The following RUNX3 variants were observed in gnomAD, a reference collection of about 807,000 sequenced individuals.
RUNX3 encodes the protein runt-related transcription factor 3.
Under a neutral mutation model 27.7 loss-of-function variants are expected in RUNX3, and 10 were observed. The observed-to-expected ratio is 0.36, with a 90% CI of 0.22 to 0.61. The LOEUF (loss-of-function observed/expected upper bound fraction) is 0.61, where lower values mean the gene tolerates loss of function less well. RUNX3 is among the 20% of genes least tolerant of loss of function. The probability of loss-of-function intolerance (pLI) is 0.72; values close to 1 mark genes in which losing one functional copy is unlikely to be tolerated. For synonymous variants in RUNX3, 270 were observed against 269.2 expected (o/e 1.00, Z -0.03); for missense variants, 469 against 629.5 (o/e 0.75, Z 2.73).
chr1:24,930,232 C>T lies in RUNX3; in HGVS notation c.-364G>A. ...CGAAGCTCGCCCGCGGCCGCCCCGA[C>T]TCCGCGGCCGCAGCCCCAGAACAAA... On this transcript the variant is annotated 5_prime_UTR_variant, in exon 1 of 5. Coordinates refer to ENST00000308873, the MANE Select transcript of RUNX3 (RefSeq NM_004350.3). The surrounding 1 kb of genome is among the most constrained non-coding windows in gnomAD (Gnocchi z 4.1). 1 of 982,990 alleles carries T rather than the reference C, an allele frequency of 1.0e-6. No homozygotes were observed. Among genetic ancestry groups the T allele is most frequent in the South Asian group, 4.7e-5 (1 of 21,276 alleles). 60.9% of individuals were successfully genotyped at this position (982,990 alleles called of 1,614,324 possible). A position where few individuals can be genotyped will look rare whatever the true frequency, so the allele number is the denominator to read the frequency against.
chr1:24,938,687 G>A (rs532346931), intron 2 of RUNX3, among the ~76,000 whole-genome samples: 96 of 152,132 alleles, frequency 6.3e-4, no homozygotes, highest in Non-Finnish European at 1.1e-3. Context: ...AGGCAGTGGG[G>A]GGCCTTTCGG....
At chr1:24,909,549 T>C (rs985489366) in intron 3 of RUNX3, among the ~76,000 whole-genome samples, 15 of 152,174 alleles carry the variant, frequency 9.9e-5, no homozygotes, top group Non-Finnish European at 1.6e-4. Flanking sequence ...CTGGGGATCC[T>C]CCCTGCTACG....
chr1:24,902,167 C>T lies in RUNX3; in HGVS notation c.1203G>A (p.Leu401=). ...CCTCATCCATGCGGCCTGGCGTGCT[C>T]AGGGCCGTGGGTGAGTTGCTGTGGC... ...DGSHSNSPTA[L]STPGRMDEAV... Residue 401 remains leucine, a synonymous_variant, in exon 5 of 5, where the codon CTG becomes CTA. Transcript: ENST00000308873. The surrounding 1 kb of genome is among the most constrained non-coding windows in gnomAD (Gnocchi z 9.2). The T allele has an allele frequency of 6.4e-7, 1 of 1,571,902 alleles. No individual in the cohort carries two copies. The highest frequency in any genetic ancestry group is 8.6e-7 in the Non-Finnish European group (1 of 1,160,248).
chr1:24,937,385 T>C (rs1297055907), intron 2 of RUNX3, among the ~76,000 whole-genome samples: 1 of 152,204 alleles, frequency 6.6e-6, no homozygotes, highest in Non-Finnish European at 1.5e-5. Context: ...TGACCACAAA[T>C]CCACCCCTCA....
At chr1:24,953,402 G>GAAAAAAAAAAAAAAAAAAAAAA (rs553316885) in intron 2 of RUNX3, among the ~76,000 whole-genome samples, 4 of 70,448 alleles carry the variant, frequency 5.7e-5, no homozygotes, top group African/African-American at 1.0e-4. Flanking sequence ...AAAGAAAAAT[G>GAAAAAAAAAAAAAAAAAAAAAA]AAAAAAAAAA....
At chr1:24,915,031 T>C (rs555863173) in intron 3 of RUNX3, among the ~76,000 whole-genome samples, 5 of 152,290 alleles carry the variant, frequency 3.3e-5, no homozygotes, top group African/African-American at 1.2e-4. Context: ...TCATCAACGA[T>C]TTATGGAGCA....
intron 2 of RUNX3, among the ~76,000 whole-genome samples, chr1:24,944,704 A>G (rs151130973): frequency 1.3e-5 from 2 of 152,286 alleles, no homozygotes; most frequent in Admixed American, 6.5e-5. Flanking sequence ...TGGGAAAAAC[A>G]TGGCTCAAAG....
chr1:24,952,370 A>G (rs965148616), intron 2 of RUNX3, among the ~76,000 whole-genome samples: 1 of 152,228 alleles, frequency 6.6e-6, no homozygotes, highest in Non-Finnish European at 1.5e-5. Flanking sequence ...AGCATACACT[A>G]TTTTAGATCT....
intron 2 of RUNX3, among the ~76,000 whole-genome samples, chr1:24,936,259 G>A (rs1431274074): frequency 6.6e-6 from 1 of 152,228 alleles, no homozygotes; most frequent in Non-Finnish European, 1.5e-5. Context: ...AGTAGCGACA[G>A]TTATCACTCC....
intron 2 of RUNX3, among the ~76,000 whole-genome samples, chr1:24,936,512 C>T (rs146612724): frequency 6.3e-4 from 96 of 152,258 alleles, no homozygotes; most frequent in African/African-American, 2.1e-3. Context: ...ATGTCAGACT[C>T]GAAAGGGCTC....
intron 3 of RUNX3, among the ~76,000 whole-genome samples, chr1:24,914,454 C>T (rs1385288512): frequency 1.3e-5 from 2 of 152,210 alleles, no homozygotes; most frequent in African/African-American, 2.4e-5. Context: ...AGGCGGGTGC[C>T]GGGCCTGGGG....
chr1:24,905,437 G>C (rs779681864), intron 4 of RUNX3, among the ~76,000 whole-genome samples: 1 of 152,242 alleles, frequency 6.6e-6, no homozygotes, highest in Non-Finnish European at 1.5e-5. Flanking sequence ...GGATGGGCCT[G>C]AGGATGGAGA....
intron 3 of RUNX3, among the ~76,000 whole-genome samples, chr1:24,912,058 C>T (rs960853188): frequency 6.6e-6 from 1 of 152,250 alleles, no homozygotes; most frequent in Non-Finnish European, 1.5e-5. Flanking sequence ...GGCTCTCACA[C>T]TGGGAATAGG....
intron 2 of RUNX3, among the ~76,000 whole-genome samples, chr1:24,959,615 G>A (rs926572302): frequency 6.6e-6 from 1 of 152,184 alleles, no homozygotes; most frequent in Non-Finnish European, 1.5e-5. Flanking sequence ...TGCTAAAACA[G>A]AGAGTCCCCT....
chr1:24,940,074 G>T (rs935994215), intron 2 of RUNX3, among the ~76,000 whole-genome samples: 1 of 152,220 alleles, frequency 6.6e-6, no homozygotes, highest in Non-Finnish European at 1.5e-5. Flanking sequence ...AGCAGGCTTG[G>T]GGGGTAAGAG....
At chr1:24,908,719 G>A (rs1165276679) in intron 3 of RUNX3, among the ~76,000 whole-genome samples, 1 of 152,140 alleles carries the variant, frequency 6.6e-6, no homozygotes, top group Non-Finnish European at 1.5e-5. Flanking sequence ...GCCCCCAAGG[G>A]AGGCAGGGAG....
upstream of RUNX3, among the ~76,000 whole-genome samples, chr1:24,933,207 G>T (rs918515138): frequency 2.6e-5 from 4 of 152,178 alleles, no homozygotes; most frequent in Non-Finnish European, 4.4e-5. Flanking sequence ...GAAGGAGCTG[G>T]GGTCCACAGT....
chr1:24,947,974 G>A lies in RUNX3; in HGVS notation c.58+16540C>T, dbSNP rs537121083. Among the ~76,000 whole-genome samples the A allele has an allele frequency of 2.6e-5, 4 of 152,298 alleles. No homozygotes were observed. The East Asian group carries it at 5.8e-4, about 22-fold the overall frequency. ...ACCTGGGGAGGCCCCACCTTCTCCC[G>A]GGCCAGTTTCCCCATCTGTCAGACA... On this transcript the variant is annotated intron_variant, in intron 2 of 6. Transcript: ENST00000338888.
intron 2 of RUNX3, among the ~76,000 whole-genome samples, chr1:24,938,056 A>G (rs897877257): frequency 2.0e-5 from 3 of 152,358 alleles, no homozygotes; most frequent in Middle Eastern, 3.4e-3. Context: ...GATAAACTCA[A>G]AAGAGTCCAA....
Sources: gnomAD v4.1 joint callset for allele counts (sites outside exome capture counted in the v4.1 genomes callset) on GRCh38, gnomAD v4.1.1 for gene constraint, Gnocchi (gnomAD v3.1) non-coding constraint, MANE v1.5 for transcripts, NCBI Gene and HGNC (gene_info 2026-07-23, HGNC 2026-07-21) for gene names.